The following CDH13 variants were observed in gnomAD, a reference collection of about 807,000 sequenced individuals.
CDH13 encodes the protein cadherin 13.
CDH13 carries 24 observed loss-of-function variants against 63.8 expected under a neutral mutation model. The ratio of observed to expected loss-of-function variants is 0.38; its 90% CI spans 0.27 to 0.53. The LOEUF is 0.53. CDH13 is among the 20% of genes least tolerant of loss of function. The pLI is 0.85. For synonymous variants in CDH13, 503 were observed against 355.3 expected (o/e 1.42, Z -4.67); for missense variants, 1,049 against 903.1 (o/e 1.16, Z -2.07).
intron 6 of CDH13, among the ~76,000 whole-genome samples, chr16:83,431,919 G>A (rs1042411213): frequency 1.3e-5 from 2 of 152,176 alleles, no homozygotes; most frequent in Non-Finnish European, 2.9e-5. Flanking sequence ...TGGAATTTTT[G>A]CAGTGATACA....
chr16:83,279,507 A>C (rs541319173), intron 5 of CDH13, among the ~76,000 whole-genome samples: 67 of 152,344 alleles, frequency 4.4e-4, no homozygotes, highest in Non-Finnish European at 6.6e-4. Flanking sequence ...TATCTGCCGC[A>C]TTCTGGAAAC....
At chr16:83,083,717 G>A (rs1051594249) in intron 3 of CDH13, among the ~76,000 whole-genome samples, 1 of 152,164 alleles carries the variant, frequency 6.6e-6, no homozygotes, top group African/African-American at 2.4e-5. Context: ...AGCTATAAAT[G>A]GATGAAATTT....
intron 1 of CDH13, among the ~76,000 whole-genome samples, chr16:82,727,020 G>T (rs1420340771): frequency 6.6e-6 from 1 of 152,074 alleles, no homozygotes; most frequent in Non-Finnish European, 1.5e-5. Flanking sequence ...CTAATGAAGT[G>T]CCCAGGATTC....
chr16:82,979,658 T>C (rs1320154704), intron 2 of CDH13, among the ~76,000 whole-genome samples: 1 of 152,174 alleles, frequency 6.6e-6, no homozygotes, highest in Non-Finnish European at 1.5e-5. Context: ...TGCAGAATTG[T>C]GAGTCAATTA....
chr16:83,751,447 C>T (rs1420910980), intron 11 of CDH13, among the ~76,000 whole-genome samples: 1 of 151,734 alleles, frequency 6.6e-6, no homozygotes, highest in Non-Finnish European at 1.5e-5. Context: ...AAAAAATATA[C>T]CTCCCCTCCA....
intron 8 of CDH13, among the ~76,000 whole-genome samples, chr16:83,609,315 C>G (rs548090331): frequency 1.3e-5 from 2 of 152,290 alleles, no homozygotes; most frequent in East Asian, 3.9e-4. Flanking sequence ...TCCAGTATGG[C>G]CCAGGGAAGC....
chr16:82,733,026 A>G (rs1002162237), intron 1 of CDH13, among the ~76,000 whole-genome samples: 3 of 152,244 alleles, frequency 2.0e-5, no homozygotes, highest in Non-Finnish European at 4.4e-5. Context: ...GGCAAATGTC[A>G]GTAGTAACCA....
intron 4 of CDH13, among the ~76,000 whole-genome samples, chr16:83,169,952 T>C (rs1023039118): frequency 1.3e-5 from 2 of 152,168 alleles, no homozygotes; most frequent in African/African-American, 4.8e-5. Flanking sequence ...TTACTTTCGA[T>C]GTATGGTTTA....
At chr16:82,819,864 A>G (rs1270758512) in intron 1 of CDH13, among the ~76,000 whole-genome samples, 2 of 152,198 alleles carry the variant, frequency 1.3e-5, no homozygotes, top group East Asian at 1.9e-4. Flanking sequence ...TAAGTCACAT[A>G]GTATTTTAGA....
intron 8 of CDH13, among the ~76,000 whole-genome samples, chr16:83,646,238 G>C (rs1222582681): frequency 1.3e-5 from 2 of 152,212 alleles, no homozygotes; most frequent in African/African-American, 4.8e-5. Flanking sequence ...CTGTGCCTCA[G>C]TTTCCTCACC....
At chr16:83,651,170 T>C (rs1387817369) in intron 8 of CDH13, among the ~76,000 whole-genome samples, 1 of 152,086 alleles carries the variant, frequency 6.6e-6, no homozygotes, top group Non-Finnish European at 1.5e-5. Flanking sequence ...CTCTAAGTAG[T>C]TTAGATAACA....
At chr16:83,128,126 G>A (rs780692635) in intron 4 of CDH13, among the ~76,000 whole-genome samples, 3 of 152,218 alleles carry the variant, frequency 2.0e-5, no homozygotes, top group Non-Finnish European at 4.4e-5. Context: ...ATCAGAATCA[G>A]CAGAGACACT....
chr16:83,028,973 C>T (rs911713183), intron 2 of CDH13, among the ~76,000 whole-genome samples: 2 of 152,118 alleles, frequency 1.3e-5, no homozygotes, highest in Non-Finnish European at 2.9e-5. Context: ...TCATTTACAA[C>T]CTGTGTGTAC....
intron 6 of CDH13, among the ~76,000 whole-genome samples, chr16:83,406,537 C>T (rs955905223): frequency 2.4e-4 from 36 of 152,024 alleles, no homozygotes; most frequent in African/African-American, 8.7e-4. Context: ...AATCTTGTCT[C>T]ACTGCAACCT....
intron 7 of CDH13, among the ~76,000 whole-genome samples, chr16:83,524,432 C>G (rs894021116): frequency 3.8e-5 from 5 of 130,898 alleles, no homozygotes; most frequent in African/African-American, 1.1e-4. Context: ...AATTTCATGT[C>G]TTTTTCTTTT....
At chr16:83,527,284 C>T (rs1052254724) in intron 7 of CDH13, among the ~76,000 whole-genome samples, 5 of 151,886 alleles carry the variant, frequency 3.3e-5, no homozygotes, top group African/African-American at 1.2e-4. Flanking sequence ...CCCATCTCTA[C>T]TAAAAATACA....
rs140720405 is a variant in CDH13, at chr16:83,372,578, C to A, written c.781+27572C>A. Among the ~76,000 whole-genome samples the A allele has an allele frequency of 7.6e-3, 1,147 of 151,592 alleles. 5 individuals are homozygous for A. Among genetic ancestry groups the A allele is most frequent in the Middle Eastern group, 0.014 (4 of 292 alleles). Reference sequence around the variant, plus strand: ...ACCATCCTGGCCAACATGGTGAAACCCCATCTCTACTAAAAATATAAAAAT... The same window carrying A: ...ACCATCCTGGCCAACATGGTGAAACACCATCTCTACTAAAAATATAAAAAT... On this transcript the variant is annotated intron_variant, in intron 6 of 13. Coordinates refer to ENST00000567109, the MANE Select transcript of CDH13 (RefSeq NM_001257.5).
At chr16:83,479,010 C>T (rs1056367562) in intron 6 of CDH13, among the ~76,000 whole-genome samples, 16 of 152,184 alleles carry the variant, frequency 1.1e-4, no homozygotes, top group African/African-American at 3.1e-4. Context: ...CCCTGCCAAA[C>T]GTGGGCTGCC....
chr16:83,052,970 G>T (rs977171271), intron 3 of CDH13, among the ~76,000 whole-genome samples: 4 of 151,788 alleles, frequency 2.6e-5, no homozygotes, highest in Non-Finnish European at 4.4e-5. Flanking sequence ...AGAAGACCGT[G>T]AAAGAGGCAA....
Sources: gnomAD v4.1 joint callset for allele counts (sites outside exome capture counted in the v4.1 genomes callset) on GRCh38, gnomAD v4.1.1 for gene constraint, MANE v1.5 for transcripts, NCBI Gene and HGNC (gene_info 2026-07-23, HGNC 2026-07-21) for gene names.